INPP5F: variants seen among roughly 807,000 people sequenced by gnomAD.
The protein encoded by INPP5F is phosphatidylinositide 4-phosphatase SAC2.
A neutral mutation model predicts 137.2 loss-of-function variants in INPP5F; 97 were observed. The ratio of observed to expected loss-of-function variants is 0.71; its 90% CI spans 0.60 to 0.84. INPP5F has a LOEUF of 0.84. Among genes scored for constraint, INPP5F ranks in the 40% least tolerant of loss-of-function variants. The pLI is 0.00. For synonymous variants in INPP5F, 504 were observed against 476.9 expected, an observed-to-expected ratio of 1.06 and a Z score of -0.74; for missense variants, 1,271 against 1,371.9, an observed-to-expected ratio of 0.93 and a Z score of 1.16.
At chr10:119,804,138 C>A in intron 9 of INPP5F, 35 bp from the exon 10 acceptor site, 4 of 1,488,394 alleles carry the variant, frequency 2.7e-6, no homozygotes, top group Non-Finnish European at 3.7e-6. Context: ...ATTCTAAAAT[C>A]TAACTAAATT....
At chr10:119,760,806 C>T (rs1848988679) in intron 2 of INPP5F, among the ~76,000 whole-genome samples, 1 of 151,650 alleles carries the variant, frequency 6.6e-6, no homozygotes, top group Admixed American at 6.6e-5. Context: ...TTTTATGTCA[C>T]TTTTCAAAGC....
At chr10:119,806,301 G>A (rs989140157) in intron 11 of INPP5F, 59 bp from the exon 12 acceptor site, 7 of 1,240,720 alleles carry the variant, frequency 5.6e-6, no homozygotes, top group Non-Finnish European at 7.7e-6. Context: ...AAAGAATTGT[G>A]TCTTTTGAAA....
chr10:119,754,692 G>A (rs1428138937), intron 2 of INPP5F, among the ~76,000 whole-genome samples: 3 of 152,004 alleles, frequency 2.0e-5, no homozygotes, highest in African/African-American at 7.2e-5. Flanking sequence ...GGCCCCTGCT[G>A]CTTTTCCCTC....
At chr10:119,738,227 T>C (rs1272448687) in intron 1 of INPP5F, among the ~76,000 whole-genome samples, 1 of 152,250 alleles carries the variant, frequency 6.6e-6, no homozygotes, top group African/African-American at 2.4e-5. Flanking sequence ...AAATTTGGCA[T>C]TATTTCAAAA....
rs527855731 is a variant in INPP5F at position 119,733,554 on chromosome 10, T to C, written c.97+7195T>C. ...ATTTCATAGACATCCTTTCAGAGCA[T>C]GCACAGCAGAGGTGAAATGGAGGAG... On this transcript the variant is annotated intron_variant, in intron 1 of 19. Transcript: ENST00000650623. Among the ~76,000 whole-genome samples, 5 of 152,322 alleles carry C rather than the reference T, an allele frequency of 3.3e-5. 1 individual carries two copies. The highest frequency in any genetic ancestry group is 1.2e-4 in the African/African-American group (5 of 41,566).
chr10:119,762,439 A>G (rs1181526648), intron 2 of INPP5F, among the ~76,000 whole-genome samples: 4 of 152,084 alleles, frequency 2.6e-5, no homozygotes, highest in Non-Finnish European at 4.4e-5. Context: ...ATGTAGCCCT[A>G]ATAACCTCAT....
intron 2 of INPP5F, among the ~76,000 whole-genome samples, chr10:119,779,150 A>T (rs926898922): frequency 1.3e-5 from 2 of 152,148 alleles, no homozygotes; most frequent in Non-Finnish European, 2.9e-5. Flanking sequence ...TGAGAAATGC[A>T]TTGTTGGGCA....
At chr10:119,783,905 A>G (rs1315423837) in intron 3 of INPP5F, among the ~76,000 whole-genome samples, 1 of 152,208 alleles carries the variant, frequency 6.6e-6, no homozygotes, top group Non-Finnish European at 1.5e-5. Flanking sequence ...AATTGGGAGT[A>G]AAAGTAACTA....
chr10:119,774,575 C>G (rs1322989033), intron 2 of INPP5F, among the ~76,000 whole-genome samples: 1 of 151,778 alleles, frequency 6.6e-6, no homozygotes, highest in East Asian at 1.9e-4. Flanking sequence ...CTCAAGCAAT[C>G]CCTCTGCCTT....
intron 8 of INPP5F, among the ~76,000 whole-genome samples, chr10:119,798,272 A>T (rs763203244): frequency 2.0e-5 from 3 of 152,136 alleles, no homozygotes; most frequent in Non-Finnish European, 4.4e-5. Context: ...TCTCTTATAA[A>T]CTACGTGAAA....
intron 1 of INPP5F, among the ~76,000 whole-genome samples, chr10:119,735,854 C>T (rs145291911): frequency 5.3e-5 from 8 of 152,314 alleles, no homozygotes; most frequent in African/African-American, 9.6e-5. Flanking sequence ...GTGGGCCAGG[C>T]GCAGTGGCTC....
At chr10:119,758,462 A>G (rs143471630) in intron 2 of INPP5F, among the ~76,000 whole-genome samples, 265 of 152,316 alleles carry the variant, frequency 1.7e-3, no homozygotes, top group African/African-American at 6.1e-3. Context: ...GTCTGGGTAT[A>G]GTCATATCTT....
At chr10:119,755,634 T>A (rs967577103) in intron 2 of INPP5F, among the ~76,000 whole-genome samples, 2 of 152,188 alleles carry the variant, frequency 1.3e-5, no homozygotes, top group African/African-American at 4.8e-5. Context: ...AGTCTGGTGT[T>A]TCTGTTTCCT....
intron 3 of INPP5F, among the ~76,000 whole-genome samples, chr10:119,790,054 G>T (rs1163146602): frequency 6.6e-6 from 1 of 150,866 alleles, no homozygotes; most frequent in African/African-American, 2.4e-5. Context: ...AAATCGGGGG[G>T]TGGGGTGGGG....
Position 119,823,820 on chromosome 10 carries a change from C to A in INPP5F, c.2167C>A (p.Leu723Ile). 1 of 1,613,268 alleles carries A rather than the reference C, an allele frequency of 6.2e-7. No individual in the cohort carries two copies. The highest frequency in any genetic ancestry group is 1.1e-5 in the South Asian group (1 of 90,980). ...CAGTTATATTTGGGTTGCAGATACCCTTCAGTGCATTGCAGAGATGCTGCA... is the reference window on the plus strand; with the variant it reads ...CAGTTATATTTGGGTTGCAGATACCATTCAGTGCATTGCAGAGATGCTGCA... Reference protein sequence around the residue: ...RNPEEDGKDTLQCIAEMLQIT... With the variant: ...RNPEEDGKDTIQCIAEMLQIT... The change falls in exon 19 of 20, where the codon CTT becomes ATT. Residue 723 changes from leucine to isoleucine, a missense_variant. Coordinates refer to ENST00000650623, the MANE Select transcript of INPP5F (RefSeq NM_014937.4).
At chr10:119,773,151 G>T (rs1454325667) in intron 2 of INPP5F, among the ~76,000 whole-genome samples, 1 of 151,920 alleles carries the variant, frequency 6.6e-6, no homozygotes, top group East Asian at 1.9e-4. Context: ...TCGCCTCCTG[G>T]GGTCATGCAA....
At chr10:119,770,069 C>T (rs1220876857) in intron 2 of INPP5F, among the ~76,000 whole-genome samples, 1 of 152,050 alleles carries the variant, frequency 6.6e-6, no homozygotes, top group East Asian at 1.9e-4. Context: ...GAATCTTTTC[C>T]AGGACTATTG....
chr10:119,801,732 T>C (rs1364385606), intron 9 of INPP5F, among the ~76,000 whole-genome samples: 1 of 152,058 alleles, frequency 6.6e-6, no homozygotes, highest in Admixed American at 6.6e-5. Flanking sequence ...GGAGTGAGAC[T>C]CTGTCTCCAA....
chr10:119,741,550 T>C (rs1848376231), intron 1 of INPP5F, among the ~76,000 whole-genome samples: 1 of 152,216 alleles, frequency 6.6e-6, no homozygotes, highest in South Asian at 2.1e-4. Flanking sequence ...TTATTTTTTC[T>C]TGAGGTGGAG....
Sources: allele counts gnomAD v4.1 joint callset (sites outside exome capture counted in the v4.1 genomes callset), GRCh38; gene constraint gnomAD v4.1.1; transcripts MANE v1.5; gene names NCBI Gene and HGNC (gene_info 2026-07-23, HGNC 2026-07-21).